The following AFF2 variants were observed in gnomAD, a reference collection of about 807,000 sequenced individuals.
AFF2 encodes ALF transcription elongation factor 2, also known as AF4/FMR2 family member 2.
A neutral mutation model predicts 76.9 loss-of-function variants in AFF2; 14 were observed. The observed-to-expected ratio is 0.18, with a 90% CI of 0.12 to 0.28. The LOEUF (loss-of-function observed/expected upper bound fraction) is 0.28. Ranked by LOEUF, AFF2 falls within the 10% of genes least tolerant of loss-of-function variation. AFF2 has a pLI of 1.00. For synonymous variants in AFF2, 398 were observed against 366.7 expected, an observed-to-expected ratio of 1.09 and a Z score of -0.98; for missense variants, 868 against 1,001.1, an observed-to-expected ratio of 0.87 and a Z score of 1.79.
intron 1 of AFF2, among the ~76,000 whole-genome samples, chrX:148,512,636 C>T (rs1000425646): frequency 2.7e-5 from 3 of 112,346 alleles, no homozygotes; most frequent in Admixed American, 1.9e-4. Context: ...CCAACAGCTA[C>T]GCATAGTAGA....
intron 1 of AFF2, among the ~76,000 whole-genome samples, chrX:148,577,673 T>A (rs1362145910): frequency 8.9e-6 from 1 of 111,831 alleles, no homozygotes; most frequent in Non-Finnish European, 1.9e-5. Context: ...AGCCCACACA[T>A]GTTTGAACTA....
At chrX:148,755,898 C>A (rs2055556294) in intron 3 of AFF2, among the ~76,000 whole-genome samples, 1 of 111,873 alleles carries the variant, frequency 8.9e-6, no homozygotes, top group African/African-American at 3.2e-5. Flanking sequence ...TGGGGCAGAA[C>A]AACTGAAGTT....
At chrX:148,639,270 A>G (rs917331145) in intron 1 of AFF2, among the ~76,000 whole-genome samples, 1 of 112,263 alleles carries the variant, frequency 8.9e-6, no homozygotes. Flanking sequence ...AAATCCCGGT[A>G]TGCCCCATAT....
intron 1 of AFF2, among the ~76,000 whole-genome samples, chrX:148,625,447 C>A (rs1354760694): frequency 9.0e-6 from 1 of 110,785 alleles, no homozygotes; most frequent in Non-Finnish European, 1.9e-5. Context: ...CTTCAAAGGA[C>A]AGGAGAGTGG....
intron 4 of AFF2, among the ~76,000 whole-genome samples, chrX:148,834,391 G>T (rs1557273582): frequency 9.0e-6 from 1 of 111,025 alleles, no homozygotes; most frequent in Admixed American, 9.6e-5. Context: ...TACCTCAGTT[G>T]CCCGTTGGGA....
At chrX:148,519,195 A>G (rs2058544530) in intron 1 of AFF2, among the ~76,000 whole-genome samples, 1 of 111,249 alleles carries the variant, frequency 9.0e-6, no homozygotes, top group Non-Finnish European at 1.9e-5. Flanking sequence ...TAGTGCAGGG[A>G]CCCTTCTCCA....
At chrX:148,552,588 A>G (rs782119964) in intron 1 of AFF2, among the ~76,000 whole-genome samples, 3 of 112,076 alleles carry the variant, frequency 2.7e-5, no homozygotes, top group Non-Finnish European at 3.8e-5. Flanking sequence ...ATGGCCTTTA[A>G]TTGCCTTTGG....
intron 8 of AFF2, among the ~76,000 whole-genome samples, chrX:148,891,768 C>A (rs782113527): frequency 5.4e-5 from 6 of 111,582 alleles, no homozygotes; most frequent in Admixed American, 3.8e-4. Context: ...TCTCATGCCC[C>A]AGTTAGCTCA....
Position 148,500,631 on chromosome X carries a change from A to AGCCGCC in AFF2, c.-462_-461insCGCCGC, listed in dbSNP as rs1167407264. On this transcript the variant is annotated 5_prime_UTR_variant, in exon 1 of 21. Transcript: ENST00000370460. ...CCGCGGCCGCCGCCGCCGCCTGTGC[A>AGCCGCC]GCCGCTGCCGCCGCCGCCGCCGCCG... The AGCCGCC allele has an allele frequency of 3.8e-4, 24 of 62,503 alleles. No individual in the cohort carries two copies. Among genetic ancestry groups the AGCCGCC allele is most frequent in the East Asian group, 2.2e-3 (3 of 1,380 alleles). 5.2% of individuals were successfully genotyped at this position (62,503 alleles called of 1,213,427 possible).
intron 3 of AFF2, among the ~76,000 whole-genome samples, chrX:148,724,050 T>C (rs938022683): frequency 1.1e-4 from 12 of 108,669 alleles, no homozygotes; most frequent in African/African-American, 4.0e-4. Context: ...AGCAAGTCAC[T>C]ACCAAGGTTG....
At chrX:148,907,248 A>G (rs1557281520) in intron 9 of AFF2, among the ~76,000 whole-genome samples, 1 of 112,460 alleles carries the variant, frequency 8.9e-6, no homozygotes, top group East Asian at 2.8e-4. Flanking sequence ...CAAATTGGAC[A>G]TATCCCAGAA....
intron 7 of AFF2, among the ~76,000 whole-genome samples, chrX:148,864,525 T>C (rs782076348): frequency 8.9e-6 from 1 of 112,178 alleles, no homozygotes; most frequent in South Asian, 3.7e-4. Flanking sequence ...ACAGGTAGAT[T>C]TATGCAGATT....
chrX:148,742,736 C>T (rs138571186), intron 3 of AFF2, among the ~76,000 whole-genome samples: 5 of 111,722 alleles, frequency 4.5e-5, no homozygotes, highest in South Asian at 3.8e-4. Context: ...ATTATTTTCC[C>T]GCAGGAATAG....
intron 7 of AFF2, among the ~76,000 whole-genome samples, chrX:148,870,092 C>T (rs982376200): frequency 9.0e-6 from 1 of 111,222 alleles, no homozygotes; most frequent in East Asian, 2.9e-4. Flanking sequence ...GCAATTTTAA[C>T]GATCCTCCAG....
intron 1 of AFF2, among the ~76,000 whole-genome samples, chrX:148,501,673 C>G (rs1473630631): frequency 1.8e-5 from 2 of 113,431 alleles, no homozygotes; most frequent in African/African-American, 3.2e-5. Context: ...TTCCTTCTGC[C>G]GACTCAGCCC....
At chrX:148,501,252 A>G in intron 1 of AFF2, 108 bp downstream of exon 1, 1 of 967,846 alleles carries the variant, frequency 1.0e-6, no homozygotes, top group East Asian at 3.3e-5. Flanking sequence ...GGCGCCCCGG[A>G]CTCCCTCCCA....
rs1476316348 is a variant in AFF2, at chrX:148,823,025, A to G, written c.1086+13105A>G. On this transcript the variant is annotated intron_variant, in intron 4 of 20. Transcript: ENST00000370460. ...ACCCGAAAAGCTAGTCTATCCTCCAACTTTGCAGCCTCCTCACTGCTCTTT... is the reference window on the plus strand; with the variant it reads ...ACCCGAAAAGCTAGTCTATCCTCCAGCTTTGCAGCCTCCTCACTGCTCTTT... Among the ~76,000 whole-genome samples the G allele has an allele frequency of 7.2e-5, 8 of 111,232 alleles. No homozygotes were observed. In the East Asian group the frequency reaches 2.0e-3, roughly 28 times the overall value.
chrX:148,520,046 A>C (rs781915911), intron 1 of AFF2, among the ~76,000 whole-genome samples: 2 of 112,263 alleles, frequency 1.8e-5, no homozygotes, highest in South Asian at 7.4e-4. Flanking sequence ...ACTATCTAAC[A>C]ATTTAAAAAC....
intron 1 of AFF2, among the ~76,000 whole-genome samples, chrX:148,637,719 A>G (rs1435565951): frequency 8.9e-6 from 1 of 112,507 alleles, no homozygotes; most frequent in Non-Finnish European, 1.9e-5. Flanking sequence ...TTACATACTA[A>G]GCCTTTGAAA....
Sources: gnomAD v4.1 joint callset for allele counts (sites outside exome capture counted in the v4.1 genomes callset) on GRCh38, gnomAD v4.1.1 for gene constraint, MANE v1.5 for transcripts, NCBI Gene and HGNC (gene_info 2026-07-23, HGNC 2026-07-21) for gene names.